PAPLN: variants seen among roughly 807,000 people sequenced by gnomAD.
PAPLN encodes papilin, proteoglycan like sulfated glycoprotein.
PAPLN carries 146 observed loss-of-function variants against 159.0 expected under a neutral mutation model. That is an observed-to-expected ratio of 0.92 (90% CI 0.80 to 1.05). The LOEUF is 1.05. Ranked by LOEUF, PAPLN falls within the 50% of genes least tolerant of loss-of-function variation. The pLI, the probability that PAPLN is intolerant of heterozygous loss-of-function variation, is 0.00. For synonymous variants in PAPLN, 734 were observed against 702.9 expected (o/e 1.04, Z -0.70); for missense variants, 1,720 against 1,743.9 (o/e 0.99, Z 0.24).
At position 73,252,787 on chromosome 14, in the gene PAPLN, C is replaced by A; in HGVS notation, c.1094+12C>A. On this transcript the variant is annotated intron_variant, in intron 11 of 26. Coordinates refer to ENST00000644200, the MANE Select transcript of PAPLN (RefSeq NM_001365906.3). The stretch of plus-strand genomic sequence containing the variant: ...CCGGAGACCAAGCGGTGAGACCTTG[C>A]CAGCCCCTCTACCCATGATGAGGCC... 6.2e-7 allele frequency: 1 copy of A among 1,612,740 alleles called. No individual in the cohort carries two copies. Among genetic ancestry groups the A allele is most frequent in the Non-Finnish European group, 8.5e-7 (1 of 1,179,822 alleles).
At position 73,244,737 on chromosome 14, in the gene PAPLN, G is replaced by A. The variant is rs1225074988; in HGVS notation, c.148G>A (p.Glu50Lys). 6.3e-7 allele frequency: 1 copy of A among 1,577,236 alleles called. No individual in the cohort carries two copies. Among genetic ancestry groups the A allele is most frequent in the Non-Finnish European group, 8.6e-7 (1 of 1,161,542 alleles). The change falls in exon 3 of 27, where the codon GAG becomes AAG. Residue 50 changes from glutamate to lysine, a missense_variant. Physicochemically the swap from Glu to Lys is moderately conservative, Grantham distance 56 (BLOSUM62 1). Transcript: ENST00000644200. ...CTGTGGAGGGGGTGTCAGCTTCCGGGAGCGCCCCTGCTACTCCCAGAGGTA... is the reference window on the plus strand; with the variant it reads ...CTGTGGAGGGGGTGTCAGCTTCCGGAAGCGCCCCTGCTACTCCCAGAGGTA... ...RTCGGGVSFR[E>K]RPCYSQRRDG...
intron 14 of PAPLN, among the ~76,000 whole-genome samples, chr14:73,256,340 G>A (rs1363862097): frequency 2.6e-5 from 4 of 151,712 alleles, no homozygotes; most frequent in Non-Finnish European, 5.9e-5. Context: ...AGACCCGCCT[G>A]GCCAACATTG....
At chr14:73,239,434 G>A (rs1883296882) in intron 1 of PAPLN, among the ~76,000 whole-genome samples, 1 of 152,212 alleles carries the variant, frequency 6.6e-6, no homozygotes, top group Non-Finnish European at 1.5e-5. Context: ...TGAATTAAAA[G>A]TGAGTCTAAT....
At chr14:73,251,354 A>C in intron 7 of PAPLN, 132 bp from the exon 8 acceptor site, 1 of 1,038,864 alleles carries the variant, frequency 9.6e-7, no homozygotes, top group Non-Finnish European at 1.4e-6. Context: ...CTTTCCCAGC[A>C]GCTCGGCCCT....
In PAPLN at chr14:73,272,757, A is replaced by G. The variant is rs1380285177; in HGVS notation, c.*93A>G. 3.0e-6 allele frequency: 4 copies of G among 1,335,352 alleles called. No homozygotes were observed. The highest frequency in any genetic ancestry group is 2.6e-5 in the Admixed American group (1 of 38,510). 82.7% of individuals were successfully genotyped at this position (1,335,352 alleles called of 1,614,324 possible). On this transcript the variant is annotated 3_prime_UTR_variant, in exon 27 of 27. Transcript: ENST00000644200. ...CTTGGCTTCCTCTCTCTGGCTGGCAAAGGGAGTTATCTTCTGGAATACATT... is the reference window on the plus strand; with the variant it reads ...CTTGGCTTCCTCTCTCTGGCTGGCAGAGGGAGTTATCTTCTGGAATACATT...
intron 5 of PAPLN, among the ~76,000 whole-genome samples, chr14:73,247,065 C>T (rs908031951): frequency 2.0e-5 from 3 of 152,152 alleles, no homozygotes; most frequent in African/African-American, 7.2e-5. Flanking sequence ...CCTGTTTTTG[C>T]TCAGTCTGCT....
chr14:73,239,036 C>T (rs1296967856), intron 1 of PAPLN, among the ~76,000 whole-genome samples: 1 of 152,196 alleles, frequency 6.6e-6, no homozygotes, highest in Non-Finnish European at 1.5e-5. Context: ...TAGTACACAC[C>T]AGACTGCACA....
Position 73,268,648 on chromosome 14 carries a change from G to T in PAPLN, c.3592G>T (p.Gly1198Cys), listed in dbSNP as rs142229342. Residue 1198 changes from glycine (G) to cysteine (C), a missense_variant, in exon 26 of 27, where the codon GGC becomes TGC. Coordinates refer to ENST00000644200, the MANE Select transcript of PAPLN (RefSeq NM_001365906.3). ...TTACAACTTGCGGGCCAGGGATGAG[G>T]GCTCCTACACGTGCAGTGCCTACCA... ...LIYNLRARDE[G>C]SYTCSAYQGS... 1 of 1,614,024 alleles carries T rather than the reference G, an allele frequency of 6.2e-7. No homozygotes were observed. The highest frequency in any genetic ancestry group is 1.3e-5 in the African/African-American group (1 of 75,048).
At chr14:73,247,833 TG>T in intron 5 of PAPLN, among the ~76,000 whole-genome samples, 1 of 123,606 alleles carries the variant, frequency 8.1e-6, no homozygotes, top group Admixed American at 9.0e-5. Context: ...TGTGTGTGTG[TG>T]TGTGTGGTGG....
Position 73,250,090 on chromosome 14 carries a change from T to C in PAPLN, c.441T>C (p.Asp147=), listed in dbSNP as rs1370719108. 2 of 1,611,634 alleles carry C rather than the reference T, an allele frequency of 1.2e-6. No homozygotes were observed. The highest frequency in any genetic ancestry group is 3.4e-5 in the Admixed American group (2 of 59,668). ...CGCCCTGCGAGCCTGGCAAGAGGGA[T>C]GTCTGTGTGGATGGCAGCTGCCGGG... is the stretch of plus-strand genomic sequence containing the variant. ...DGTPCEPGKR[D]VCVDGSCRVV... Residue 147 remains aspartate, a synonymous_variant, in exon 6 of 27, where the codon GAT becomes GAC. Transcript: ENST00000644200.
At chr14:73,237,974 G>T (rs1208931197) in intron 1 of PAPLN, among the ~76,000 whole-genome samples, 1 of 152,140 alleles carries the variant, frequency 6.6e-6, no homozygotes, top group Non-Finnish European at 1.5e-5. Context: ...TGGAGCGTCC[G>T]GGAGCCCCAG....
chr14:73,264,555 G>A, intron 21 of PAPLN, 33 bp from the exon 22 acceptor site: 1 of 1,582,868 alleles, frequency 6.3e-7, no homozygotes, highest in Non-Finnish European at 8.6e-7. Flanking sequence ...TTTCCTCACA[G>A]CTCACACCTT....
At chr14:73,254,726 C>T (rs1216156176) in intron 13 of PAPLN, 31 bp downstream of exon 13, 3 of 1,606,390 alleles carry the variant, frequency 1.9e-6, no homozygotes, top group Non-Finnish European at 2.6e-6. Flanking sequence ...CACCTGCTGC[C>T]TGACCCTGGT....
At chr14:73,254,853 C>T in intron 13 of PAPLN, 24 bp from the exon 14 acceptor site, 1 of 1,609,062 alleles carries the variant, frequency 6.2e-7, no homozygotes. Context: ...CAGCATCTCT[C>T]TCTCTCCCAC....
rs1262477178 is a variant in PAPLN at position 73,272,934 on chromosome 14, T to G, written c.*270T>G. ...CTGTTTGGATAAGAAAAACCTTTAC[T>G]TTACAGCTTCCCTTTATAATTTGTT... On this transcript the variant is annotated 3_prime_UTR_variant, in exon 27 of 27. Transcript: ENST00000644200. The G allele has an allele frequency of 6.2e-6, 2 of 322,196 alleles. No homozygotes were observed. The highest frequency in any genetic ancestry group is 1.1e-5 in the Non-Finnish European group (2 of 178,326). 20.0% of individuals were successfully genotyped at this position (322,196 alleles called of 1,614,324 possible).
intron 26 of PAPLN, 61 bp downstream of exon 26, chr14:73,268,784 A>C: frequency 1.0e-4 from 153 of 1,494,566 alleles, no homozygotes; most frequent in Middle Eastern, 1.8e-4. Flanking sequence ...ACTGGTTCTC[A>C]AGGGCTGGCT....
chr14:73,260,908 G>A, intron 17 of PAPLN, 79 bp downstream of exon 17: 1 of 1,485,578 alleles, frequency 6.7e-7, no homozygotes, highest in South Asian at 1.4e-5. Flanking sequence ...CAGGATCTTT[G>A]CCGCTTTGGC....
chr14:73,247,877 T>C (rs1884689822), intron 5 of PAPLN, among the ~76,000 whole-genome samples: 2 of 105,560 alleles, frequency 1.9e-5, no homozygotes, highest in African/African-American at 3.9e-5. Flanking sequence ...CCAGTGGGAG[T>C]CTCATATCCT....
chr14:73,249,584 G>T (rs952687416), intron 5 of PAPLN, among the ~76,000 whole-genome samples: 2 of 145,960 alleles, frequency 1.4e-5, no homozygotes, highest in African/African-American at 2.5e-5. Context: ...TGAGGCAGGA[G>T]AATTGCTTAA....
Sources: allele counts gnomAD v4.1 joint callset (sites outside exome capture counted in the v4.1 genomes callset), GRCh38; gene constraint gnomAD v4.1.1; transcripts MANE v1.5; gene names NCBI Gene and HGNC (gene_info 2026-07-23, HGNC 2026-07-21).